SAMD5: variants seen among roughly 807,000 people sequenced by gnomAD.
The protein encoded by SAMD5 is sterile alpha motif domain-containing protein 5.
Under a neutral mutation model 11.3 loss-of-function variants are expected in SAMD5, and 13 were observed. The observed-to-expected ratio is 1.15, with a 90% CI of 0.75 to 1.83. The LOEUF (loss-of-function observed/expected upper bound fraction) is 1.83, where lower values mean the gene tolerates loss of function less well. SAMD5 is among the 40% of genes most tolerant of loss of function. SAMD5 has a pLI of 0.00. For missense variants in SAMD5, 255 were observed against 239.1 expected (o/e 1.07, Z -0.44); for synonymous variants, 129 against 111.3 (o/e 1.16, Z -1.00).
rs140318247 is a variant in SAMD5 at position 147,509,088 on chromosome 6, C to G, written c.160C>G (p.Arg54Gly). Residue 54 changes from arginine (R) to glycine (G), a missense_variant, in exon 1 of 2, where the codon CGT becomes GGT. Transcript: ENST00000367474. The part of the protein sequence containing the change: ...IGVLAPAHRR[R>G]ILEAVRRLRE... ...GGTGCTGGCGCCCGCGCACCGCCGC[C>G]GTATCCTGGAGGCCGTGCGCCGGCT... is the stretch of plus-strand genomic sequence containing the variant. 252 of 1,599,860 alleles carry G rather than the reference C, an allele frequency of 1.6e-4. 1 individual carries two copies. In the African/African-American group the frequency reaches 3.1e-3, roughly 19 times the overall value.
intron 1 of SAMD5, among the ~76,000 whole-genome samples, chr6:147,634,395 A>G (rs1296074340): frequency 6.6e-6 from 1 of 152,172 alleles, no homozygotes; most frequent in Non-Finnish European, 1.5e-5. Context: ...CACTGTCACA[A>G]GAATAGCAAG....
intron 1 of SAMD5, among the ~76,000 whole-genome samples, chr6:147,521,608 G>A (rs1343445922): frequency 1.3e-5 from 2 of 152,036 alleles, no homozygotes; most frequent in Non-Finnish European, 2.9e-5. Flanking sequence ...TCTATAAAAT[G>A]GATGTAATAT....
At chr6:147,611,557 C>T (rs988379746) in intron 1 of SAMD5, among the ~76,000 whole-genome samples, 16 of 151,964 alleles carry the variant, frequency 1.1e-4, no homozygotes, top group Admixed American at 5.2e-4. Flanking sequence ...AACAAGACTC[C>T]GTCTCTTAAA....
intron 1 of SAMD5, among the ~76,000 whole-genome samples, chr6:147,686,206 T>A (rs904447061): frequency 6.6e-6 from 1 of 152,218 alleles, no homozygotes; most frequent in African/African-American, 2.4e-5. Flanking sequence ...ATTTCTTTGG[T>A]CATATATTGC....
chr6:147,804,221 C>A, the SAMD5 span, among the ~76,000 whole-genome samples: 1 of 151,648 alleles, frequency 6.6e-6, no homozygotes, highest in Non-Finnish European at 1.5e-5. Context: ...GATTCTCCTG[C>A]CTCAGCCTCC....
intron 1 of SAMD5, among the ~76,000 whole-genome samples, chr6:147,716,703 T>A (rs1428123078): frequency 1.3e-5 from 2 of 152,218 alleles, no homozygotes; most frequent in African/African-American, 4.8e-5. Context: ...CAGCAGCCAC[T>A]CTAGATGGGT....
the SAMD5 span, among the ~76,000 whole-genome samples, chr6:147,819,890 C>G: frequency 6.6e-6 from 1 of 152,174 alleles, no homozygotes; most frequent in African/African-American, 2.4e-5. Context: ...CAGATATACC[C>G]ATAATTCCCA....
the SAMD5 span, among the ~76,000 whole-genome samples, chr6:147,829,151 A>G: frequency 6.6e-6 from 1 of 152,238 alleles, no homozygotes; most frequent in Admixed American, 6.5e-5. Flanking sequence ...TAACATAGGA[A>G]GTAGTTTGCT....
At chr6:147,544,879 A>C (rs1366474990) in intron 1 of SAMD5, among the ~76,000 whole-genome samples, 2 of 152,216 alleles carry the variant, frequency 1.3e-5, no homozygotes, top group Non-Finnish European at 2.9e-5. Context: ...AACACTTTCA[A>C]AGTTAATTCT....
At chr6:147,538,428 G>A (rs1048794174) in intron 1 of SAMD5, among the ~76,000 whole-genome samples, 1 of 152,038 alleles carries the variant, frequency 6.6e-6, no homozygotes, top group Non-Finnish European at 1.5e-5. Context: ...ACAAAAACAC[G>A]TTTTACACAC....
At position 147,660,198 on chromosome 6, in the gene SAMD5, A is replaced by G. The variant is rs183664709; in HGVS notation, c.163-77119A>G. ...GAAGGATGTTCAGGCAATAATTGGA[A>G]CTGTATATATGTGAATGTCTAAATT... On this transcript the variant is annotated intron_variant, in intron 1 of 1. Transcript: ENST00000566741. 1.1e-3 allele frequency among the ~76,000 whole-genome samples: 174 copies of G among 152,220 alleles called. 1 individual carries two copies. The highest frequency in any genetic ancestry group is 4.0e-3 in the African/African-American group (168 of 41,546).
At chr6:147,703,458 C>G (rs531625981) in intron 1 of SAMD5, among the ~76,000 whole-genome samples, 11 of 152,310 alleles carry the variant, frequency 7.2e-5, no homozygotes, top group Non-Finnish European at 1.3e-4. Context: ...AGAGCCCAAA[C>G]GGTATCTTAC....
chr6:147,549,019 CT>C (rs1788727334), intron 1 of SAMD5, among the ~76,000 whole-genome samples: 1 of 152,114 alleles, frequency 6.6e-6, no homozygotes, highest in African/African-American at 2.4e-5. Flanking sequence ...AATCTTTTCC[CT>C]TAGTCACAAT....
At chr6:147,897,458 T>C in the SAMD5 span, among the ~76,000 whole-genome samples, 2 of 152,062 alleles carry the variant, frequency 1.3e-5, no homozygotes, top group African/African-American at 4.8e-5. Context: ...GACTGGAGCA[T>C]GAAGGTCATT....
chr6:147,926,936 C>T, the SAMD5 span, among the ~76,000 whole-genome samples: 2 of 151,962 alleles, frequency 1.3e-5, no homozygotes, highest in Admixed American at 1.3e-4. Context: ...GTGCTGTAGC[C>T]ATTGCTTGTT....
chr6:147,628,595 A>G (rs1790093117), intron 1 of SAMD5, among the ~76,000 whole-genome samples: 1 of 152,218 alleles, frequency 6.6e-6, no homozygotes, highest in Non-Finnish European at 1.5e-5. Context: ...ATTCTCATAG[A>G]AAATAGAGAA....
At chr6:147,857,649 G>A in the SAMD5 span, among the ~76,000 whole-genome samples, 9 of 152,128 alleles carry the variant, frequency 5.9e-5, no homozygotes, top group Non-Finnish European at 1.2e-4. Context: ...ATGTATGCCT[G>A]TAAATGGGCT....
At chr6:147,775,649 G>T in the SAMD5 span, among the ~76,000 whole-genome samples, 53,408 of 152,020 alleles carry the variant, frequency 0.35, 11,137 homozygotes, top group African/African-American at 0.59. Context: ...ACCCAAGGAG[G>T]ATCAGGAGTC....
intron 1 of SAMD5, among the ~76,000 whole-genome samples, chr6:147,519,072 G>T (rs1044388003): frequency 1.1e-4 from 16 of 152,126 alleles, no homozygotes; most frequent in African/African-American, 3.9e-4. Flanking sequence ...TTTCCATAAA[G>T]TTAAAAATGC....
Sources: gnomAD v4.1 joint callset for allele counts (sites outside exome capture counted in the v4.1 genomes callset) on GRCh38, gnomAD v4.1.1 for gene constraint, MANE v1.5 for transcripts, NCBI Gene and HGNC (gene_info 2026-07-23, HGNC 2026-07-21) for gene names.